The following PRKG1 variants were observed in gnomAD, a reference collection of about 807,000 sequenced individuals.
The protein encoded by PRKG1 is protein kinase cGMP-dependent 1, also known as cGMP-dependent protein kinase 1.
Under a neutral mutation model 88.1 loss-of-function variants are expected in PRKG1, and 35 were observed. The ratio of observed to expected loss-of-function variants is 0.40; its 90% CI spans 0.30 to 0.53. The LOEUF (loss-of-function observed/expected upper bound fraction) is 0.53, where lower values mean the gene tolerates loss of function less well. Among genes scored for constraint, PRKG1 ranks in the 20% least tolerant of loss-of-function variants. PRKG1 has a pLI of 0.59. For synonymous variants in PRKG1, 303 were observed against 292.5 expected (o/e 1.04, Z -0.37); for missense variants, 540 against 839.8 (o/e 0.64, Z 4.41).
intron 1 of PRKG1, among the ~76,000 whole-genome samples, chr10:51,135,265 G>A (rs1392782577): frequency 2.0e-5 from 3 of 152,084 alleles, no homozygotes. Flanking sequence ...GCAAGATCTG[G>A]GAAAACCTTT....
At chr10:51,876,030 G>A (rs952915081) in intron 4 of PRKG1, among the ~76,000 whole-genome samples, 3 of 151,580 alleles carry the variant, frequency 2.0e-5, no homozygotes, top group Non-Finnish European at 4.4e-5. Context: ...TTAGAACATG[G>A]GATTTGTAAA....
chr10:52,291,640 T>A (rs1237032607), intron 17 of PRKG1, among the ~76,000 whole-genome samples: 1 of 152,136 alleles, frequency 6.6e-6, no homozygotes, highest in Non-Finnish European at 1.5e-5. Context: ...ATTTTCTTAA[T>A]CCAGTCTATC....
chr10:51,849,375 T>G (rs1840487852), intron 4 of PRKG1, among the ~76,000 whole-genome samples: 1 of 152,188 alleles, frequency 6.6e-6, no homozygotes, highest in Non-Finnish European at 1.5e-5. Context: ...TAAACGAATA[T>G]CAAGGTACTC....
chr10:51,252,214 T>C (rs1839445192), intron 2 of PRKG1, among the ~76,000 whole-genome samples: 1 of 151,820 alleles, frequency 6.6e-6, no homozygotes, highest in South Asian at 2.1e-4. Flanking sequence ...TGCTCTATTG[T>C]ATAGTATTTG....
intron 2 of PRKG1, among the ~76,000 whole-genome samples, chr10:51,374,337 T>C (rs1227997540): frequency 1.4e-5 from 2 of 137,940 alleles, no homozygotes; most frequent in Non-Finnish European, 3.1e-5. Context: ...AGTGAGAACA[T>C]GCGGTGTTTG....
At chr10:52,171,786 A>ATTT (rs545195374) in intron 9 of PRKG1, among the ~76,000 whole-genome samples, 1,596 of 93,826 alleles carry the variant, frequency 0.017, 97 homozygotes, top group Non-Finnish European at 0.023. Flanking sequence ...TTTTATCAAA[A>ATTT]TTTTTTTTTT....
At chr10:51,493,215 G>C (rs781640011) in intron 3 of PRKG1, among the ~76,000 whole-genome samples, 1 of 151,958 alleles carries the variant, frequency 6.6e-6, no homozygotes, top group Non-Finnish European at 1.5e-5. Flanking sequence ...CTCCAAAAAA[G>C]GATTAGCAAT....
chr10:51,743,684 A>AT (rs1299783534), intron 3 of PRKG1, among the ~76,000 whole-genome samples: 293 of 135,942 alleles, frequency 2.2e-3, no homozygotes, highest in African/African-American at 7.8e-3. Context: ...ATATATATAT[A>AT]ATTTATTATA....
At chr10:52,279,804 T>G (rs1841960458) in intron 12 of PRKG1, among the ~76,000 whole-genome samples, 1 of 151,960 alleles carries the variant, frequency 6.6e-6, no homozygotes, top group Non-Finnish European at 1.5e-5. Context: ...CAGGCGCTGA[T>G]GTTCACACTA....
intron 3 of PRKG1, among the ~76,000 whole-genome samples, chr10:51,670,861 T>A (rs1840556381): frequency 6.6e-6 from 1 of 151,980 alleles, no homozygotes; most frequent in African/African-American, 2.4e-5. Context: ...TCCTGAATAA[T>A]ACTGAATAAC....
chr10:51,708,528 C>G (rs547657145), intron 3 of PRKG1, among the ~76,000 whole-genome samples: 136 of 152,296 alleles, frequency 8.9e-4, no homozygotes, highest in African/African-American at 3.2e-3. Flanking sequence ...CTCCCACTCC[C>G]TTCCTCACTC....
intron 2 of PRKG1, among the ~76,000 whole-genome samples, chr10:51,275,421 A>G (rs1295277497): frequency 1.3e-5 from 2 of 152,182 alleles, no homozygotes; most frequent in Non-Finnish European, 1.5e-5. Context: ...GGAAAATCCT[A>G]ATTTTTCTTT....
chr10:51,492,754 C>T (rs1589013822), intron 3 of PRKG1, among the ~76,000 whole-genome samples: 2 of 152,162 alleles, frequency 1.3e-5, no homozygotes, highest in East Asian at 3.9e-4. Context: ...GACACTTGAA[C>T]TTACAGGAAT....
At chr10:51,965,145 G>T (rs967448653) in intron 5 of PRKG1, among the ~76,000 whole-genome samples, 1 of 152,112 alleles carries the variant, frequency 6.6e-6, no homozygotes, top group South Asian at 2.1e-4. Flanking sequence ...AGGTAAACTT[G>T]TCTCTTTGTT....
chr10:51,572,576 G>A (rs1013876461), intron 3 of PRKG1, among the ~76,000 whole-genome samples: 2 of 151,896 alleles, frequency 1.3e-5, no homozygotes, highest in African/African-American at 4.8e-5. Context: ...TATTTGCAAA[G>A]TATGGTTTCT....
At chr10:51,003,695 T>C (rs1331577750) in intron 1 of PRKG1, among the ~76,000 whole-genome samples, 1 of 152,240 alleles carries the variant, frequency 6.6e-6, no homozygotes, top group African/African-American at 2.4e-5. Flanking sequence ...CCAATCTTTC[T>C]ACTTGTCTTC....
At chr10:51,358,662 T>A (rs924201307) in intron 2 of PRKG1, among the ~76,000 whole-genome samples, 1 of 151,900 alleles carries the variant, frequency 6.6e-6, no homozygotes, top group African/African-American at 2.4e-5. Context: ...TTACAGGTTA[T>A]AACCAGAAGA....
chr10:51,547,812 G>A (rs1472252412), intron 3 of PRKG1, among the ~76,000 whole-genome samples: 1 of 151,972 alleles, frequency 6.6e-6, no homozygotes, highest in Non-Finnish European at 1.5e-5. Flanking sequence ...TAATTTCAAA[G>A]TATGTTCTAC....
At chr10:52,045,015 G>T (rs1250370584) in intron 5 of PRKG1, among the ~76,000 whole-genome samples, 2 of 152,100 alleles carry the variant, frequency 1.3e-5, no homozygotes, top group Non-Finnish European at 2.9e-5. Flanking sequence ...CCAGCCTGTT[G>T]GCTTAGTACA....
Sources: gnomAD v4.1 joint callset for allele counts (sites outside exome capture counted in the v4.1 genomes callset) on GRCh38, gnomAD v4.1.1 for gene constraint, MANE v1.5 for transcripts, NCBI Gene and HGNC (gene_info 2026-07-23, HGNC 2026-07-21) for gene names.